Variants in NIBAN3 observed in about 807,000 individuals in gnomAD.
NIBAN3 encodes the protein protein Niban 3.
A neutral mutation model predicts 76.4 loss-of-function variants in NIBAN3; 66 were observed. The ratio of observed to expected loss-of-function variants is 0.86; its 90% CI spans 0.71 to 1.06. NIBAN3 has a LOEUF of 1.06. Ranked by LOEUF, NIBAN3 falls within the 50% of genes least tolerant of loss-of-function variation. NIBAN3 has a pLI of 0.00. For missense variants in NIBAN3, 808 were observed against 810.7 expected (o/e 1.00, Z 0.04); for synonymous variants, 360 against 355.2 (o/e 1.01, Z -0.15).
rs780015966 is a variant in NIBAN3, at chr19:17,539,768, G to A, written c.979+3G>A. 6 of 1,525,030 alleles carry A rather than the reference G, an allele frequency of 3.9e-6. No individual in the cohort carries two copies. Among genetic ancestry groups the A allele is most frequent in the Non-Finnish European group, 5.3e-6 (6 of 1,137,466 alleles). The allele number at this position is 1,525,030 out of a possible 1,614,324, so 94.5% of individuals were successfully genotyped here. A position where few individuals can be genotyped will look rare whatever the true frequency, so the allele number is the denominator to read the frequency against. ...GCGTGTGGCGGGGCGGCTGAGGAGT[G>A]AGGCCCTGGGGCGGAGCCTGGGCTG... On this transcript the variant is annotated splice_donor_region_variant and intron_variant, in intron 8 of 14. Transcript: ENST00000599164.
Position 17,539,390 on chromosome 19 carries a change from G to A in NIBAN3, c.755G>A (p.Arg252Gln), listed in dbSNP as rs201425039. The A allele has an allele frequency of 4.0e-5, 61 of 1,540,464 alleles. No individual in the cohort carries two copies. The East Asian group carries it at 1.4e-3, about 36-fold the overall frequency. The change falls in exon 7 of 15, where the codon CGA becomes CAA. Residue 252 changes from arginine (R) to glutamine (Q), a missense_variant. By Grantham distance (43) the Arg-to-Gln change is conservative. Transcript: ENST00000599164. The stretch of plus-strand genomic sequence containing the variant: ...ATGCGGGAGCAACTTCCCGCGCTGC[G>A]AGCCCAGACCCTTCCTGGCCTGCGG... ...VLMREQLPAL[R>Q]AQTLPGLRGA...
In NIBAN3 at chr19:17,532,351, G is replaced by C. The variant is rs1048593104; in HGVS notation, c.275G>C (p.Arg92Pro). 6.2e-7 allele frequency: 1 copy of C among 1,614,184 alleles called. No individual in the cohort carries two copies. Among genetic ancestry groups the C allele is most frequent in the Non-Finnish European group, 8.5e-7 (1 of 1,180,032 alleles). The stretch of plus-strand genomic sequence containing the variant: ...TGGCAGCCGATCTTCTGTGTTCTGC[G>C]TGGGGACGGCCGCCTAGAGTGGTTC... The part of the protein sequence containing the change: ...PRWQPIFCVL[R>P]GDGRLEWFSH... The change falls in exon 3 of 15, where the codon CGT becomes CCT. Residue 92 changes from arginine (R) to proline (P), a missense_variant. Physicochemically the swap from Arg to Pro is moderately radical, Grantham distance 103 (BLOSUM62 -2). Coordinates refer to ENST00000599164, the MANE Select transcript of NIBAN3 (RefSeq NM_001321827.2).
downstream of NIBAN3, chr19:17,553,788 A>T: frequency 2.1e-6 from 1 of 469,282 alleles, no homozygotes; most frequent in Non-Finnish European, 3.8e-6. Context: ...ATGGGATGGG[A>T]TGTATCTTGT....
rs1307139787 is a variant in NIBAN3 at position 17,533,698 on chromosome 19, T to G, written c.424T>G (p.Leu142Val). Reference sequence around the variant, plus strand: ...TTTGGATGCTCTCTGCCCTGAATCCTTGGGTAAGGGTCCCGGGGTTCCCAG... The same window carrying G: ...TTTGGATGCTCTCTGCCCTGAATCCGTGGGTAAGGGTCCCGGGGTTCCCAG... Reference protein sequence around the residue: ...RLLDALCPESLGDHTQEEPDS... With the variant: ...RLLDALCPESVGDHTQEEPDS... The change falls in exon 4 of 15, where the codon TTG (leucine) becomes GTG (valine). Residue 142 changes from leucine to valine, a missense_variant. By Grantham distance (32) the Leu-to-Val change is conservative (BLOSUM62 1). Coordinates refer to ENST00000599164, the MANE Select transcript of NIBAN3 (RefSeq NM_001321827.2). The G allele has an allele frequency of 5.6e-6, 9 of 1,611,824 alleles. No individual in the cohort carries two copies. The highest frequency in any genetic ancestry group is 6.8e-6 in the Non-Finnish European group (8 of 1,178,344).
intron 13 of NIBAN3, among the ~76,000 whole-genome samples, chr19:17,547,350 C>CTTT (rs1161818189): frequency 0.48 from 30,354 of 62,690 alleles, 10,304 homozygotes; most frequent in Non-Finnish European, 0.57. Context: ...GAGACTATGT[C>CTTT]TTTTTTTTTT....
In NIBAN3 at chr19:17,537,457, G is replaced by A. The variant is rs763474894; in HGVS notation, c.509G>A (p.Arg170Gln). 3.3e-5 allele frequency: 54 copies of A among 1,613,588 alleles called. No homozygotes were observed. Among genetic ancestry groups the A allele is most frequent in the Middle Eastern group, 1.7e-4 (1 of 6,024 alleles). ...FPLFLQHPFR[R>Q]HLCFSAATRE... ...CTGTTCCTGCAGCACCCCTTCCGCC[G>A]GCACCTCTGCTTCTCTGCAGCCACC... Residue 170 changes from arginine to glutamine, a missense_variant, in exon 5 of 15, where the codon CGG (arginine) becomes CAG (glutamine). Arg to Gln is a conservative substitution (Grantham distance 43, BLOSUM62 1). Coordinates refer to ENST00000599164, the MANE Select transcript of NIBAN3 (RefSeq NM_001321827.2).
chr19:17,553,416 T>C lies in NIBAN3; in HGVS notation c.*1518T>C. The C allele has an allele frequency of 1.2e-6, 2 of 1,614,238 alleles. No homozygotes were observed. Among genetic ancestry groups the C allele is most frequent in the Non-Finnish European group, 1.7e-6 (2 of 1,180,052 alleles). On this transcript the variant is annotated 3_prime_UTR_variant, in exon 15 of 15. Coordinates refer to ENST00000599164, the MANE Select transcript of NIBAN3 (RefSeq NM_001321827.2). ...CATCTGCTAACTGGATATTGGCAGC[T>C]TCTCTGCTGTCTTGCAGCTGCTTCC...
intron 13 of NIBAN3, among the ~76,000 whole-genome samples, chr19:17,547,941 C>T (rs1158819900): frequency 5.3e-5 from 8 of 152,080 alleles, no homozygotes; most frequent in Admixed American, 3.9e-4. Flanking sequence ...CTGGGATTAC[C>T]GGCGTGAGAG....
intron 1 of NIBAN3, among the ~76,000 whole-genome samples, chr19:17,529,721 C>T (rs1419387943): frequency 2.0e-5 from 3 of 152,146 alleles, no homozygotes; most frequent in Non-Finnish European, 2.9e-5. Context: ...GAGGGTTTCA[C>T]GGATGTGTGA....
Position 17,539,176 on chromosome 19 carries a change from G to T in NIBAN3, c.622G>T (p.Ala208Ser). 3.1e-6 allele frequency: 5 copies of T among 1,600,900 alleles called. No individual in the cohort carries two copies. The highest frequency in any genetic ancestry group is 4.3e-6 in the Non-Finnish European group (5 of 1,174,396). Residue 208 changes from alanine (A) to serine (S), a missense_variant, in exon 6 of 15, where the codon GCC (alanine) becomes TCC (serine). Physicochemically the swap from Ala to Ser is moderately conservative, Grantham distance 99. Transcript: ENST00000599164. ...IVLQRSQAPA[A>S]RAFLDAVRLY... The stretch of plus-strand genomic sequence containing the variant: ...CCTGCAGCGAAGCCAGGCCCCTGCT[G>T]CCCGGGCCTTCCTGGACGCCGTCCG...
rs1248348163 is a variant in NIBAN3, at chr19:17,540,730, TTTTG to T, written c.1170+156_1170+159del. The stretch of plus-strand genomic sequence containing the variant: ...CATGCTATGGTCAGTGGAGCACAGT[TTTTG>T]TTTGTTTTTTGTTTTTGAGACAGGG... On this transcript the variant is annotated intron_variant, in intron 9 of 14. Coordinates refer to ENST00000599164, the MANE Select transcript of NIBAN3 (RefSeq NM_001321827.2). 8.9e-6 allele frequency: 5 copies of T among 562,702 alleles called. No individual in the cohort carries two copies. The South Asian group carries it at 1.8e-4, about 21-fold the overall frequency. 34.9% of individuals were successfully genotyped at this position (562,702 alleles called of 1,614,324 possible). A position where few individuals can be genotyped will look rare whatever the true frequency, so the allele number is the denominator to read the frequency against.
chr19:17,523,822 G>A (rs558842214), upstream of NIBAN3, among the ~76,000 whole-genome samples: 2 of 152,242 alleles, frequency 1.3e-5, no homozygotes, highest in Admixed American at 1.3e-4. Flanking sequence ...CCACCCCAGG[G>A]CCTTTGCCTG....
Position 17,539,774 on chromosome 19 carries a change from C to T in NIBAN3, c.979+9C>T. On this transcript the variant is annotated intron_variant, in intron 8 of 14. Coordinates refer to ENST00000599164, the MANE Select transcript of NIBAN3 (RefSeq NM_001321827.2). ...GGCGGGGCGGCTGAGGAGTGAGGCC[C>T]TGGGGCGGAGCCTGGGCTGGGAGGG... 1 of 1,514,638 alleles carries T rather than the reference C, an allele frequency of 6.6e-7. No homozygotes were observed. The highest frequency in any genetic ancestry group is 8.8e-7 in the Non-Finnish European group (1 of 1,130,826). The allele number at this position is 1,514,638 out of a possible 1,614,324, so 93.8% of individuals were successfully genotyped here.
chr19:17,541,831 G>T (rs1185008380), intron 9 of NIBAN3, among the ~76,000 whole-genome samples: 1 of 151,904 alleles, frequency 6.6e-6, no homozygotes, highest in Non-Finnish European at 1.5e-5. Flanking sequence ...GTACAGGTGT[G>T]TGCCACTACA....
At chr19:17,523,944 A>T (rs1275232857), upstream of NIBAN3, among the ~76,000 whole-genome samples, 2 of 152,092 alleles carry the variant, frequency 1.3e-5, no homozygotes, top group Non-Finnish European at 2.9e-5. Flanking sequence ...GCTGGAGTGC[A>T]GTGGTGTGAT....
At chr19:17,538,608 G>A (rs1320448934) in intron 5 of NIBAN3, among the ~76,000 whole-genome samples, 2 of 148,724 alleles carry the variant, frequency 1.3e-5, no homozygotes, top group African/African-American at 5.1e-5. Context: ...GAGCAACAGA[G>A]AGACCCCCTG....
At chr19:17,535,452 T>TTAAA (rs61685140) in intron 4 of NIBAN3, among the ~76,000 whole-genome samples, 3,085 of 151,462 alleles carry the variant, frequency 0.02, 85 homozygotes, top group African/African-American at 0.063. Context: ...CTGTCTCTAT[T>TTAAA]TAAATAAATA....
chr19:17,540,352 C>T (rs781069491), intron 8 of NIBAN3, 40 bp from the exon 9 acceptor site: 3 of 1,390,024 alleles, frequency 2.2e-6, no homozygotes, highest in Non-Finnish European at 2.8e-6. Flanking sequence ...TGTGAGGCAC[C>T]TTGCGGAGGG....
intron 12 of NIBAN3, chr19:17,545,462 C>G (rs752048273): frequency 2.8e-5 from 5 of 180,312 alleles, no homozygotes; most frequent in Non-Finnish European, 4.6e-5. Flanking sequence ...CAGCTGGGCC[C>G]GGGGGACCAC....
Sources: gnomAD v4.1 joint callset for allele counts (sites outside exome capture counted in the v4.1 genomes callset) on GRCh38, gnomAD v4.1.1 for gene constraint, MANE v1.5 for transcripts, NCBI Gene and HGNC (gene_info 2026-07-23, HGNC 2026-07-21) for gene names.